The following SPATA17 variants were observed in gnomAD, a reference collection of about 807,000 sequenced individuals.
SPATA17 encodes the protein spermatogenesis associated 17.
SPATA17 carries 53 observed loss-of-function variants against 62.2 expected under a neutral mutation model. The ratio of observed to expected loss-of-function variants is 0.85; its 90% CI spans 0.68 to 1.07. The LOEUF (loss-of-function observed/expected upper bound fraction) is 1.07. Ranked by LOEUF, SPATA17 falls within the 50% of genes least tolerant of loss-of-function variation. The pLI is 0.00. For synonymous variants in SPATA17, 146 were observed against 146.8 expected (o/e 0.99, Z 0.04); for missense variants, 466 against 425.5 (o/e 1.10, Z -0.84).
chr1:217,699,894 G>A lies in SPATA17; in HGVS notation c.395+16533G>A, dbSNP rs960346964. ...CATTTGTGACAATGGATATCTAATT[G>A]TTCTAGCACCATTCTTTGAAGAGGC... is the stretch of plus-strand genomic sequence containing the variant. On this transcript the variant is annotated intron_variant, in intron 5 of 10. Coordinates refer to ENST00000366933, the MANE Select transcript of SPATA17 (RefSeq NM_138796.4). Among the ~76,000 whole-genome samples, 5 of 151,982 alleles carry A rather than the reference G, an allele frequency of 3.3e-5. No individual in the cohort carries two copies. The East Asian group carries it at 9.6e-4, about 29-fold the overall frequency.
intron 9 of SPATA17, among the ~76,000 whole-genome samples, chr1:217,823,479 T>G (rs1179696854): frequency 1.3e-5 from 2 of 151,962 alleles, no homozygotes; most frequent in Admixed American, 1.3e-4. Context: ...TTTTTTAGCA[T>G]GTGGCAGGTT....
At chr1:217,711,639 T>A (rs1671867564) in intron 5 of SPATA17, among the ~76,000 whole-genome samples, 1 of 152,220 alleles carries the variant, frequency 6.6e-6, no homozygotes, top group Non-Finnish European at 1.5e-5. Flanking sequence ...GAGCTTATAA[T>A]TGACGCTCAA....
chr1:217,684,893 G>C (rs996480345), intron 5 of SPATA17, among the ~76,000 whole-genome samples: 1 of 152,082 alleles, frequency 6.6e-6, no homozygotes, highest in Non-Finnish European at 1.5e-5. Context: ...TGGTCTTTGA[G>C]GATTACCTAT....
chr1:217,658,619 G>A (rs913081141), intron 3 of SPATA17, among the ~76,000 whole-genome samples: 3 of 152,040 alleles, frequency 2.0e-5, no homozygotes, highest in African/African-American at 4.8e-5. Context: ...TTAGCAGGGC[G>A]TGGTGGCAGG....
chr1:217,684,540 G>A (rs905644653), intron 5 of SPATA17, among the ~76,000 whole-genome samples: 17 of 151,838 alleles, frequency 1.1e-4, no homozygotes, highest in Admixed American at 5.9e-4. Context: ...TCAGCCTCTC[G>A]AGTAGCTGGG....
intron 6 of SPATA17, among the ~76,000 whole-genome samples, chr1:217,760,169 C>T (rs1264433536): frequency 6.6e-6 from 1 of 151,934 alleles, no homozygotes. Context: ...ATTATGTTAC[C>T]ACCAGAGAGA....
chr1:217,742,185 A>C, intron 6 of SPATA17, 87 bp downstream of exon 6: 2 of 1,506,632 alleles, frequency 1.3e-6, no homozygotes, highest in South Asian at 2.4e-5. Flanking sequence ...ATGGGACATG[A>C]CTTGTTGAAA....
chr1:217,642,185 A>C (rs904620350), intron 1 of SPATA17, among the ~76,000 whole-genome samples: 3 of 152,200 alleles, frequency 2.0e-5, no homozygotes, highest in Non-Finnish European at 4.4e-5. Context: ...ATCACTTGAT[A>C]AAGCTGTTAT....
At chr1:217,681,835 A>C (rs1212754197) in intron 4 of SPATA17, among the ~76,000 whole-genome samples, 1 of 152,158 alleles carries the variant, frequency 6.6e-6, no homozygotes, top group Non-Finnish European at 1.5e-5. Flanking sequence ...AACTTAGACA[A>C]ATTTTATACT....
chr1:217,723,383 G>A (rs1672185422), intron 5 of SPATA17, among the ~76,000 whole-genome samples: 1 of 152,030 alleles, frequency 6.6e-6, no homozygotes, highest in African/African-American at 2.4e-5. Context: ...CTATCCTTCA[G>A]ATATCCTCTT....
At chr1:217,676,106 A>G (rs1426442557) in intron 4 of SPATA17, among the ~76,000 whole-genome samples, 1 of 152,152 alleles carries the variant, frequency 6.6e-6, no homozygotes, top group Non-Finnish European at 1.5e-5. Context: ...AGGCATTCCA[A>G]TGCAGTGTCA....
chr1:217,662,002 G>T (rs1670582241), intron 3 of SPATA17, among the ~76,000 whole-genome samples: 1 of 152,102 alleles, frequency 6.6e-6, no homozygotes, highest in Non-Finnish European at 1.5e-5. Flanking sequence ...ATTCTTTTAA[G>T]CAATAGTACC....
intron 5 of SPATA17, among the ~76,000 whole-genome samples, chr1:217,706,223 T>A (rs1571746222): frequency 6.6e-6 from 1 of 152,342 alleles, no homozygotes; most frequent in East Asian, 1.9e-4. Flanking sequence ...TGTAGTAGTT[T>A]TTTTCTAATT....
At chr1:217,849,896 A>G (rs1320477335) in intron 9 of SPATA17, among the ~76,000 whole-genome samples, 3 of 152,132 alleles carry the variant, frequency 2.0e-5, no homozygotes, top group African/African-American at 7.2e-5. Flanking sequence ...TTTAAGTAGG[A>G]AAAATAGGAT....
intron 8 of SPATA17, 65 bp downstream of exon 8, chr1:217,782,387 T>C: frequency 6.8e-7 from 1 of 1,468,568 alleles, no homozygotes; most frequent in Non-Finnish European, 9.1e-7. Flanking sequence ...CTAATTTTTT[T>C]ATTTTCTAAT....
At chr1:217,633,398 A>G (rs1219355197) in intron 1 of SPATA17, among the ~76,000 whole-genome samples, 1 of 142,306 alleles carries the variant, frequency 7.0e-6, no homozygotes, top group African/African-American at 2.4e-5. Context: ...TAGATAATCT[A>G]TATTTTTAGA....
chr1:217,633,530 G>T (rs1032178100), intron 1 of SPATA17, among the ~76,000 whole-genome samples: 1 of 152,118 alleles, frequency 6.6e-6, no homozygotes, highest in African/African-American at 2.4e-5. Context: ...CGGATGTCTT[G>T]AGGTCAATTA....
At chr1:217,820,218 A>G (rs1674825548) in intron 9 of SPATA17, among the ~76,000 whole-genome samples, 1 of 152,062 alleles carries the variant, frequency 6.6e-6, no homozygotes, top group Admixed American at 6.6e-5. Flanking sequence ...TATCCTAAAC[A>G]ATTAGTCTTT....
At chr1:217,828,539 C>CA (rs61328984) in intron 9 of SPATA17, among the ~76,000 whole-genome samples, 66,462 of 128,406 alleles carry the variant, frequency 0.52, 17,913 homozygotes, top group East Asian at 0.83. Flanking sequence ...AATATCACAC[C>CA]AAAAAAAAAA....
Sources: gnomAD v4.1 joint callset for allele counts (sites outside exome capture counted in the v4.1 genomes callset) on GRCh38, gnomAD v4.1.1 for gene constraint, MANE v1.5 for transcripts, NCBI Gene and HGNC (gene_info 2026-07-23, HGNC 2026-07-21) for gene names.